Variants in CEP97 observed in about 807,000 individuals in gnomAD.
The protein encoded by CEP97 is centrosomal protein of 97 kDa.
CEP97 carries 43 observed loss-of-function variants against 73.1 expected under a neutral mutation model. That is an observed-to-expected ratio of 0.59 (90% CI 0.46 to 0.76). The LOEUF is 0.76. Ranked by LOEUF, CEP97 falls within the 30% of genes least tolerant of loss-of-function variation. The pLI is 0.00. For missense variants in CEP97, 939 were observed against 1,014.0 expected (o/e 0.93, Z 1.00); for synonymous variants, 337 against 370.0 (o/e 0.91, Z 1.02).
chr3:101,754,838 C>T (rs925565582), intron 6 of CEP97, among the ~76,000 whole-genome samples: 2 of 151,822 alleles, frequency 1.3e-5, no homozygotes, highest in African/African-American at 4.8e-5. Context: ...TGACATATTC[C>T]TCTCCCTTTT....
intron 9 of CEP97, 177 bp downstream of exon 9, chr3:101,758,600 C>T: frequency 1.5e-6 from 1 of 673,346 alleles, no homozygotes; most frequent in Non-Finnish European, 2.5e-6. Context: ...ACACTATCTG[C>T]TCTATCTCCT....
intron 2 of CEP97, 72 bp from the exon 3 acceptor site, chr3:101,727,311 T>A: frequency 7.5e-7 from 1 of 1,326,962 alleles, no homozygotes; most frequent in Non-Finnish European, 1.0e-6. Flanking sequence ...AAATAAACCT[T>A]TTAAATCACT....
chr3:101,736,839 A>G (rs991857119), intron 6 of CEP97, among the ~76,000 whole-genome samples: 2 of 152,238 alleles, frequency 1.3e-5, no homozygotes, highest in Admixed American at 6.5e-5. Flanking sequence ...AACTGGACAG[A>G]GAATGAGTTT....
In CEP97 at chr3:101,758,280, A is replaced by G. The variant is rs772220751; in HGVS notation, c.1674A>G (p.Leu558=). The change falls in exon 9 of 11, where the codon TTA becomes TTG. Residue 558 remains leucine, a synonymous_variant. Coordinates refer to ENST00000341893, the MANE Select transcript of CEP97 (RefSeq NM_024548.4). ...LGQDKVALQK[L]NDAATKLQAC... ...AAGACAAAGTTGCCCTTCAGAAATT[A>G]AATGATGCAGCCACCAAGCTTCAGG... The G allele has an allele frequency of 5.0e-6, 8 of 1,614,216 alleles. No individual in the cohort carries two copies. The highest frequency in any genetic ancestry group is 2.2e-5 in the South Asian group (2 of 91,084).
intron 9 of CEP97, chr3:101,758,752 A>G (rs879523382): frequency 2.1e-5 from 5 of 239,970 alleles, no homozygotes; most frequent in Non-Finnish European, 4.1e-5. Flanking sequence ...AAAAATGAGA[A>G]GATGATGAAG....
intron 6 of CEP97, among the ~76,000 whole-genome samples, chr3:101,753,337 G>T (rs565691992): frequency 3.7e-4 from 56 of 152,262 alleles, no homozygotes; most frequent in Non-Finnish European, 6.3e-4. Flanking sequence ...GCTGCTCAGG[G>T]GTCAGGGGTC....
At chr3:101,742,030 A>C (rs1938472877) in intron 6 of CEP97, among the ~76,000 whole-genome samples, 1 of 149,924 alleles carries the variant, frequency 6.7e-6, no homozygotes, top group African/African-American at 2.5e-5. Flanking sequence ...TGACAGAGTG[A>C]GACTCCGTCT....
intron 10 of CEP97, 59 bp from the exon 11 acceptor site, chr3:101,764,784 AAAAC>A (rs1049750876): frequency 1.2e-5 from 18 of 1,465,182 alleles, no homozygotes; most frequent in African/African-American, 4.3e-5. Flanking sequence ...CCCTGTCTCA[AAAAC>A]AAACAAACAA....
At position 101,765,306 on chromosome 3, in the gene CEP97, G is replaced by A. The variant is rs759852800; in HGVS notation, c.2353G>A (p.Ala785Thr). The A allele has an allele frequency of 6.2e-7, 1 of 1,614,176 alleles. No homozygotes were observed. The highest frequency in any genetic ancestry group is 1.1e-5 in the South Asian group (1 of 91,086). The part of the protein sequence containing the change: ...YLTSVQQLED[A>T]DERTNFDTET... ...AACTTCAGTTCAACAGCTGGAAGAT[G>A]CTGATGAGAGGACCAATTTTGATAC... The change falls in exon 11 of 11, where the codon GCT becomes ACT. Residue 785 changes from alanine (A) to threonine (T), a missense_variant. Transcript: ENST00000341893.
At chr3:101,742,785 T>C (rs1938499364) in intron 6 of CEP97, among the ~76,000 whole-genome samples, 1 of 149,560 alleles carries the variant, frequency 6.7e-6, no homozygotes, top group African/African-American at 2.5e-5. Flanking sequence ...GGTAGCTCAA[T>C]AGCAAATTTT....
At chr3:101,758,738 G>T in intron 9 of CEP97, 1 of 245,556 alleles carries the variant, frequency 4.1e-6, no homozygotes, top group Non-Finnish European at 7.9e-6. Context: ...GAAAAACCAA[G>T]TATAAAAATG....
intron 6 of CEP97, among the ~76,000 whole-genome samples, chr3:101,736,823 G>T (rs1333930620): frequency 6.6e-6 from 1 of 152,186 alleles, no homozygotes; most frequent in Admixed American, 6.5e-5. Context: ...GCCAGCAAAA[G>T]AACAAAACTG....
chr3:101,768,331 C>G lies in CEP97; in HGVS notation c.*2780C>G, dbSNP rs1334248076. 4 of 152,166 alleles carry G rather than the reference C, an allele frequency of 2.6e-5. No homozygotes were observed. The highest frequency in any genetic ancestry group is 9.7e-5 in the African/African-American group (4 of 41,436). 9.4% of individuals were successfully genotyped at this position (152,166 alleles called of 1,614,324 possible). ...CAAAATTTTATTATGTCCTCTTAAT[C>G]TTTACATTTAGTGAGTCAGTAAGGA... is the stretch of plus-strand genomic sequence containing the variant. On this transcript the variant is annotated 3_prime_UTR_variant, in exon 11 of 11. Coordinates refer to ENST00000341893, the MANE Select transcript of CEP97 (RefSeq NM_024548.4).
intron 6 of CEP97, 142 bp downstream of exon 6, chr3:101,732,796 A>G: frequency 4.6e-6 from 3 of 655,286 alleles, no homozygotes; most frequent in Non-Finnish European, 7.4e-6. Flanking sequence ...TATGCTGGTC[A>G]TTTAGGATTT....
chr3:101,757,777 G>A lies in CEP97; in HGVS notation c.1171G>A (p.Glu391Lys). ...DLHLEDIQTD[E>K]DKLNCSLLSS... Reference sequence around the variant, plus strand: ...GCACCTGGAAGACATACAGACGGATGAGGACAAGTTAAACTGTAGTCTTCT... The same window carrying A: ...GCACCTGGAAGACATACAGACGGATAAGGACAAGTTAAACTGTAGTCTTCT... The change falls in exon 9 of 11, where the codon GAG becomes AAG. Residue 391 changes from glutamate to lysine, a missense_variant. Glu to Lys is a moderately conservative substitution (Grantham distance 56). Transcript: ENST00000341893. The A allele has an allele frequency of 6.2e-7, 1 of 1,614,248 alleles. No homozygotes were observed. Among genetic ancestry groups the A allele is most frequent in the African/African-American group, 1.3e-5 (1 of 75,064 alleles).
chr3:101,746,532 A>G (rs1332368411), intron 6 of CEP97, among the ~76,000 whole-genome samples: 3 of 150,646 alleles, frequency 2.0e-5, no homozygotes, highest in Non-Finnish European at 3.0e-5. Flanking sequence ...TCAATTCAAG[A>G]TGGATTAAAG....
rs1463104231 is a variant in CEP97, at chr3:101,766,057, C to A, written c.*506C>A. On this transcript the variant is annotated 3_prime_UTR_variant, in exon 11 of 11. Transcript: ENST00000341893. ...CTGGTGTAAAATGTTTTTTTAAAGC[C>A]TTTTTTCCTCCTTTCGGAGTCAAGG... The A allele has an allele frequency of 6.6e-6, 1 of 151,946 alleles. No homozygotes were observed. Among genetic ancestry groups the A allele is most frequent in the Non-Finnish European group, 1.5e-5 (1 of 67,998 alleles). 9.4% of individuals were successfully genotyped at this position (151,946 alleles called of 1,614,324 possible).
intron 1 of CEP97, among the ~76,000 whole-genome samples, chr3:101,725,809 T>G (rs1937862605): frequency 6.6e-6 from 1 of 152,062 alleles, no homozygotes; most frequent in African/African-American, 2.4e-5. Flanking sequence ...ACTTAACTGT[T>G]AATAGCAGTT....
Position 101,758,174 on chromosome 3 carries a change from C to T in CEP97, c.1568C>T (p.Pro523Leu). 6.2e-7 allele frequency: 1 copy of T among 1,613,328 alleles called. No homozygotes were observed. Residue 523 changes from proline to leucine, a missense_variant, in exon 9 of 11, where the codon CCA becomes CTA. Transcript: ENST00000341893. ...SDIKKPENTQ[P>L]ENKETISQAT... ...ATAAAGAAACCAGAAAATACACAAC[C>T]AGAAAATAAAGAAACCATATCTCAA... is the stretch of plus-strand genomic sequence containing the variant.
Sources: gnomAD v4.1 joint callset for allele counts (sites outside exome capture counted in the v4.1 genomes callset) on GRCh38, gnomAD v4.1.1 for gene constraint, MANE v1.5 for transcripts, NCBI Gene and HGNC (gene_info 2026-07-23, HGNC 2026-07-21) for gene names.